Variants in VPS16 observed in about 807,000 individuals in gnomAD.
VPS16 encodes vacuolar protein sorting-associated protein 16 homolog.
VPS16 carries 82 observed loss-of-function variants against 116.0 expected under a neutral mutation model. The ratio of observed to expected loss-of-function variants is 0.71; its 90% confidence interval spans 0.59 to 0.85. The LOEUF (loss-of-function observed/expected upper bound fraction) is 0.85, where lower values mean the gene tolerates loss of function less well. Ranked by LOEUF, VPS16 falls within the 40% of genes least tolerant of loss-of-function variation. The pLI is 0.00. For synonymous variants in VPS16, 406 were observed against 420.7 expected (o/e 0.96, Z 0.43); for missense variants, 928 against 1,090.6 (o/e 0.85, Z 2.10).
rs1055050295 is a variant in VPS16 at position 2,865,469 on chromosome 20, A to G, written c.2245A>G (p.Ser749Gly). 5 of 1,613,962 alleles carry G rather than the reference A, an allele frequency of 3.1e-6. No individual in the cohort carries two copies. The highest frequency in any genetic ancestry group is 8.5e-7 in the Non-Finnish European group (1 of 1,180,012). ...DWEELEKFSKSKKSPIGYLPF... is the reference protein window; with the variant it reads ...DWEELEKFSKGKKSPIGYLPF... ...GGAAGAGCTAGAGAAGTTTTCCAAG[A>G]GCAAGAAATCACCCATTGGCTACCT... The change falls in exon 22 of 24, where the codon AGC becomes GGC. Residue 749 changes from serine to glycine, a missense_variant. Physicochemically the swap from Ser to Gly is moderately conservative, Grantham distance 56 (BLOSUM62 0). Transcript: ENST00000380445. This position sits in a 1 kb window ranked among gnomAD's most constrained non-coding sequence, Gnocchi z 5.2.
intron 1 of VPS16, among the ~76,000 whole-genome samples, chr20:2,846,683 G>T (rs569214947): frequency 6.6e-6 from 1 of 152,076 alleles, no homozygotes; most frequent in South Asian, 2.1e-4. Context: ...TACCTAACAT[G>T]CATCTTCCTC....
intron 1 of VPS16, among the ~76,000 whole-genome samples, chr20:2,844,350 T>C (rs910764731): frequency 2.0e-5 from 3 of 152,212 alleles, no homozygotes; most frequent in African/African-American, 7.2e-5. Context: ...TTCTTTTGTA[T>C]TGGGAGTAGT....
At chr20:2,850,492 G>A (rs1195676214) in intron 1 of VPS16, among the ~76,000 whole-genome samples, 1 of 151,830 alleles carries the variant, frequency 6.6e-6, no homozygotes, top group Admixed American at 6.6e-5. Flanking sequence ...TGGGTGTGGT[G>A]GTGTGCACCT....
rs1318927614 is a variant in VPS16 at position 2,857,587 on chromosome 20, G to A, written c.54-2132G>A. On this transcript the variant is annotated intron_variant, in intron 1 of 23. Transcript: ENST00000380445. ...TGCAGTGGCACAATCTTGGCTCACT[G>A]CAACCTCTGCCTCCTGGGTTCAAGT... Among the ~76,000 whole-genome samples the A allele has an allele frequency of 2.6e-5, 4 of 151,614 alleles. No individual in the cohort carries two copies. The East Asian group carries it at 7.7e-4, about 29-fold the overall frequency.
intron 1 of VPS16, among the ~76,000 whole-genome samples, chr20:2,850,375 TC>T (rs1161336921): frequency 6.6e-6 from 1 of 151,498 alleles, no homozygotes; most frequent in Non-Finnish European, 1.5e-5. Context: ...ATGCCTGTAA[TC>T]CCAGCACTTT....
rs2088994340 is a variant in VPS16 at position 2,842,658 on chromosome 20, A to ATGTATC, written c.53+1832_53+1833insGTATCT. ...TCTATAGATAGATAGATATAGATAG[A>ATGTATC]TATATAGATGTATCTATATATATAT... On this transcript the variant is annotated intron_variant, in intron 1 of 23. Coordinates refer to ENST00000380445, the MANE Select transcript of VPS16 (RefSeq NM_022575.4). Among the ~76,000 whole-genome samples the ATGTATC allele has an allele frequency of 1.1e-4, 16 of 147,970 alleles. No homozygotes were observed. The South Asian group carries it at 3.0e-3, about 27-fold the overall frequency.
Position 2,863,701 on chromosome 20 carries a change from G to T in VPS16, c.1477-248G>T, listed in dbSNP as rs948037255. Among the ~76,000 whole-genome samples, 1 of 152,194 alleles carries T rather than the reference G, an allele frequency of 6.6e-6. No individual in the cohort carries two copies. The highest frequency in any genetic ancestry group is 2.4e-5 in the African/African-American group (1 of 41,454). ...TGCTTTCACCTGGGAGGCAGAGGTT[G>T]CAGTGAGCTGAGATTGCACTGCTGC... On this transcript the variant is annotated intron_variant, in intron 15 of 23. Coordinates refer to ENST00000380445, the MANE Select transcript of VPS16 (RefSeq NM_022575.4). This position sits in a 1 kb window ranked among gnomAD's most constrained non-coding sequence, Gnocchi z 4.4.
At chr20:2,859,489 C>A (rs1322055924) in intron 1 of VPS16, among the ~76,000 whole-genome samples, 1 of 152,192 alleles carries the variant, frequency 6.6e-6, no homozygotes, top group Non-Finnish European at 1.5e-5. Context: ...GAACCACATC[C>A]TTCCCTGCCA....
intron 1 of VPS16, among the ~76,000 whole-genome samples, chr20:2,851,823 T>C (rs893543512): frequency 4.6e-5 from 7 of 151,874 alleles, no homozygotes; most frequent in African/African-American, 1.7e-4. Flanking sequence ...CAAAAAAAAT[T>C]AGCTGGGCGT....
intron 1 of VPS16, 36 bp from the exon 2 acceptor site, chr20:2,859,683 A>C: frequency 6.2e-7 from 1 of 1,604,294 alleles, no homozygotes; most frequent in Non-Finnish European, 8.5e-7. Flanking sequence ...GATGCAGGGT[A>C]ATGAGGCTAA....
At chr20:2,853,328 G>T (rs2089139829) in intron 1 of VPS16, among the ~76,000 whole-genome samples, 1 of 152,080 alleles carries the variant, frequency 6.6e-6, no homozygotes, top group Non-Finnish European at 1.5e-5. Flanking sequence ...AGCAGACGTT[G>T]CAGTGAGCCG....
chr20:2,855,569 C>A (rs1306747761), intron 1 of VPS16, among the ~76,000 whole-genome samples: 1 of 152,212 alleles, frequency 6.6e-6, no homozygotes, highest in Non-Finnish European at 1.5e-5. Flanking sequence ...TATGAAAGGT[C>A]TAGATGGCAT....
Position 2,860,470 on chromosome 20 carries a change from C to T in VPS16, c.391C>T (p.Leu131=). The T allele has an allele frequency of 6.2e-7, 1 of 1,614,102 alleles. No individual in the cohort carries two copies. Among genetic ancestry groups the T allele is most frequent in the Non-Finnish European group, 8.5e-7 (1 of 1,180,012 alleles). Reference sequence around the variant, plus strand: ...TCAGGAAGTGCTCCAGAACCGGGTTCTGGATGCCCGGATCTTTCACACTGA... The same window carrying T: ...TCAGGAAGTGCTCCAGAACCGGGTTTTGGATGCCCGGATCTTTCACACTGA... ...MGNEVLQNRV[L]DARIFHTEFG... The change falls in exon 5 of 24, where the codon CTG becomes TTG. Residue 131 remains leucine (L), a synonymous_variant. Transcript: ENST00000380445. The surrounding 1 kb of genome is among the most constrained non-coding windows in gnomAD (Gnocchi z 6.1).
At position 2,865,338 on chromosome 20, in the gene VPS16, C is replaced by T. The variant is rs1413102553; in HGVS notation, c.2174+21C>T. On this transcript the variant is annotated intron_variant, in intron 21 of 23. Transcript: ENST00000380445. The surrounding 1 kb of genome is among the most constrained non-coding windows in gnomAD (Gnocchi z 5.2). ...AAGAGGTAGGTGAGGGCCCAGGCTG[C>T]ATGTGGGTCCCAGGACCACCTGCCT... 2.5e-6 allele frequency: 4 copies of T among 1,614,078 alleles called. No individual in the cohort carries two copies. In the South Asian group the frequency reaches 3.3e-5, roughly 13 times the overall value.
At chr20:2,858,974 TGG>T (rs1291367038) in intron 1 of VPS16, among the ~76,000 whole-genome samples, 1 of 152,138 alleles carries the variant, frequency 6.6e-6, no homozygotes, top group Non-Finnish European at 1.5e-5. Flanking sequence ...GCTGAACCCC[TGG>T]GTATAAAGCC....
Position 2,860,041 on chromosome 20 carries a change from T to C in VPS16, c.143-13T>C. 1 of 1,613,876 alleles carries C rather than the reference T, an allele frequency of 6.2e-7. No homozygotes were observed. The highest frequency in any genetic ancestry group is 1.1e-5 in the South Asian group (1 of 91,082). ...TAGGGAGCTAGGACAGAAGGTCTCTTCTCAAACTGCAGCACTGCTGAGGAA... is the reference window on the plus strand; with the variant it reads ...TAGGGAGCTAGGACAGAAGGTCTCTCCTCAAACTGCAGCACTGCTGAGGAA... On this transcript the variant is annotated splice_polypyrimidine_tract_variant and intron_variant, in intron 2 of 23. Transcript: ENST00000380445. The surrounding 1 kb of genome is among the most constrained non-coding windows in gnomAD (Gnocchi z 6.1).
chr20:2,858,839 C>G (rs1000828801), intron 1 of VPS16, among the ~76,000 whole-genome samples: 15 of 152,188 alleles, frequency 9.9e-5, no homozygotes, highest in Non-Finnish European at 1.9e-4. Flanking sequence ...CAAGCATTGG[C>G]AGATTAACAT....
intron 1 of VPS16, among the ~76,000 whole-genome samples, chr20:2,843,046 A>G (rs1471500520): frequency 6.6e-6 from 1 of 152,076 alleles, no homozygotes; most frequent in Non-Finnish European, 1.5e-5. Flanking sequence ...TTGGTACCTA[A>G]TGTGATATAC....
intron 1 of VPS16, among the ~76,000 whole-genome samples, chr20:2,852,125 A>G (rs546543391): frequency 1.3e-5 from 2 of 152,276 alleles, no homozygotes; most frequent in South Asian, 2.1e-4. Flanking sequence ...CTGTCCAGAC[A>G]GCTTGAGAAG....
Sources: allele counts gnomAD v4.1 joint callset (sites outside exome capture counted in the v4.1 genomes callset), GRCh38; gene constraint gnomAD v4.1.1; non-coding constraint Gnocchi (gnomAD v3.1); transcripts MANE v1.5; gene names NCBI Gene and HGNC (gene_info 2026-07-23, HGNC 2026-07-21).